Variants in MGST1 observed in about 807,000 individuals in gnomAD.
The protein encoded by MGST1 is glutathione S-transferase 12.
Under a neutral mutation model 8.9 loss-of-function variants are expected in MGST1, and 5 were observed. The observed-to-expected ratio is 0.56, with a 90% CI of 0.29 to 1.19. The LOEUF is 1.19. Ranked by LOEUF, MGST1 falls within the 50% of genes most tolerant of loss-of-function variation. MGST1 has a pLI of 0.08. For synonymous variants in MGST1, 54 were observed against 67.8 expected (o/e 0.80, Z 1.00); for missense variants, 182 against 187.4 (o/e 0.97, Z 0.17).
Position 16,513,727 on chromosome 12 carries a change from G to T in MGST1, n.483-75801G>T. The T allele has an allele frequency of 3.5e-6, 2 of 566,000 alleles. No individual in the cohort carries two copies. Among genetic ancestry groups the T allele is most frequent in the Non-Finnish European group, 7.1e-6 (2 of 282,444 alleles). 35.1% of individuals were successfully genotyped at this position (566,000 alleles called of 1,614,324 possible). On this transcript the variant is annotated intron_variant and non_coding_transcript_variant, in intron 4 of 4. Transcript: ENST00000538857. The surrounding 1 kb of genome is among the most constrained non-coding windows in gnomAD (Gnocchi z 4.2). ...GGCATCTGCAGAAGTAGCCTTGGGC[G>T]AGAATAGCGAAGTCTCGAAAAGTGG...
intron 4 of MGST1, among the ~76,000 whole-genome samples, chr12:16,579,400 AT>A (rs1225820711): frequency 1.3e-5 from 2 of 152,138 alleles, no homozygotes; most frequent in South Asian, 2.1e-4. Context: ...ATGAGAAACA[AT>A]TTTTTTGGTA....
chr12:16,525,099 G>A (rs374589200), intron 4 of MGST1, among the ~76,000 whole-genome samples: 1 of 151,632 alleles, frequency 6.6e-6, no homozygotes, highest in African/African-American at 2.4e-5. Context: ...AGAATAAATT[G>A]GCCTTCTTTC....
chr12:16,583,499 ACTG>A (rs1475582826), intron 4 of MGST1, among the ~76,000 whole-genome samples: 2 of 152,324 alleles, frequency 1.3e-5, no homozygotes, highest in East Asian at 3.9e-4. Flanking sequence ...CACACAGAAT[ACTG>A]GAGGGAATGG....
chr12:16,486,034 T>G (rs1354987527), intron 4 of MGST1, among the ~76,000 whole-genome samples: 1 of 152,240 alleles, frequency 6.6e-6, no homozygotes, highest in Non-Finnish European at 1.5e-5. Context: ...CTGATGTATC[T>G]GCTTCTAATG....
chr12:16,549,269 A>G (rs2137229688), intron 4 of MGST1: 1 of 152,248 alleles, frequency 6.6e-6, no homozygotes, highest in Non-Finnish European at 1.5e-5. Context: ...GGCTAAAATA[A>G]TAGTTATTTT....
At position 16,586,073 on chromosome 12, in the gene MGST1, C is replaced by G. The variant is rs1243457639; in HGVS notation, n.483-3455C>G. Reference sequence around the variant, plus strand: ...AGGAAAACAGCAAAACCTTGATGTACAATTCCATAAAAATTTTTGAGGGGC... The same window carrying G: ...AGGAAAACAGCAAAACCTTGATGTAGAATTCCATAAAAATTTTTGAGGGGC... On this transcript the variant is annotated intron_variant and non_coding_transcript_variant, in intron 4 of 4. Transcript: ENST00000538857. This position sits in a 1 kb window ranked among gnomAD's most constrained non-coding sequence, Gnocchi z 4.3. Among the ~76,000 whole-genome samples the G allele has an allele frequency of 1.3e-5, 2 of 152,060 alleles. No individual in the cohort carries two copies. The highest frequency in any genetic ancestry group is 6.6e-5 in the Admixed American group (1 of 15,260).
chr12:16,400,200 T>C lies in MGST1; in HGVS notation n.778+16596T>C, dbSNP rs995303383. 5.1e-6 allele frequency: 5 copies of C among 982,242 alleles called. No individual in the cohort carries two copies. In the Middle Eastern group the frequency reaches 7.1e-4, roughly 140 times the overall value. The allele number at this position is 982,242 out of a possible 1,614,324, so 60.8% of individuals were successfully genotyped here. On this transcript the variant is annotated intron_variant and non_coding_transcript_variant, in intron 1 of 1. Coordinates refer to the MGST1 transcript ENST00000359720. ...CTAAGTCCGTGGTTGTCTCTCCCAC[T>C]TCTGTGTAGAACTGCACATCCATGT... is the stretch of plus-strand genomic sequence containing the variant.
intron 4 of MGST1, among the ~76,000 whole-genome samples, chr12:16,512,277 TA>T (rs761588521): frequency 6.6e-6 from 1 of 151,854 alleles, no homozygotes; most frequent in African/African-American, 2.4e-5. Flanking sequence ...TTGGTAGCAG[TA>T]AAAAAAATTC....
Position 16,544,221 on chromosome 12 carries a change from T to TAC in MGST1, n.483-45265_483-45264dup, listed in dbSNP as rs3029719. Among the ~76,000 whole-genome samples the TAC allele has an allele frequency of 0.38, 52,181 of 138,448 alleles. 10,120 individuals carry two copies. Among genetic ancestry groups the TAC allele is most frequent in the Non-Finnish European group, 0.47 (30,248 of 63,936 alleles). 90.8% of individuals were successfully genotyped at this position (138,448 alleles called of 152,430 possible). ...TTAAATTGACACCTTAAGTAAGAAC[T>TAC]ACACACACACACACACACACACACA... On this transcript the variant is annotated intron_variant and non_coding_transcript_variant, in intron 4 of 4. Transcript: ENST00000538857. This position sits in a 1 kb window ranked among gnomAD's most constrained non-coding sequence, Gnocchi z 4.8.
intron 4 of MGST1, among the ~76,000 whole-genome samples, chr12:16,476,732 A>G (rs1941326259): frequency 6.6e-6 from 1 of 152,194 alleles, no homozygotes; most frequent in Non-Finnish European, 1.5e-5. Context: ...TCACAGGGAT[A>G]AAGAGCATTC....
chr12:16,352,858 C>G (rs1443747600), intron 1 of MGST1, among the ~76,000 whole-genome samples: 1 of 152,066 alleles, frequency 6.6e-6, no homozygotes, highest in Non-Finnish European at 1.5e-5. Flanking sequence ...TTTGATGTTT[C>G]CATTATCCTG....
chr12:16,357,235 A>C (rs1027799890), intron 2 of MGST1, among the ~76,000 whole-genome samples: 3 of 152,142 alleles, frequency 2.0e-5, no homozygotes, highest in African/African-American at 7.2e-5. Flanking sequence ...ACTAGGTAGA[A>C]TATCCCCATG....
At chr12:16,374,762 T>C (rs886854373) in intron 3 of MGST1, among the ~76,000 whole-genome samples, 6 of 152,188 alleles carry the variant, frequency 3.9e-5, no homozygotes, top group African/African-American at 1.4e-4. Context: ...ATTATGCAGC[T>C]GTAAAAAGAA....
At chr12:16,565,684 G>A (rs1443004676) in intron 4 of MGST1, among the ~76,000 whole-genome samples, 1 of 151,782 alleles carries the variant, frequency 6.6e-6, no homozygotes, top group Non-Finnish European at 1.5e-5. Flanking sequence ...GGATGATTTT[G>A]AATTTTCCTG....
rs1352434655 is a variant in MGST1, at chr12:16,395,788, T to TACACACAC, written n.778+12185_778+12186insCACACACA. 7.9e-4 allele frequency among the ~76,000 whole-genome samples: 96 copies of TACACACAC among 121,590 alleles called. 2 individuals carry two copies. Among genetic ancestry groups the TACACACAC allele is most frequent in the East Asian group, 5.7e-3 (19 of 3,360 alleles). 79.8% of individuals were successfully genotyped at this position (121,590 alleles called of 152,430 possible). On this transcript the variant is annotated intron_variant and non_coding_transcript_variant, in intron 1 of 1. Transcript: ENST00000359720. ...GCTGAGTAGTATTCCATCATATATA[T>TACACACAC]ATATATATATATATATACACACACA...
chr12:16,552,179 G>GT (rs1942012660), intron 4 of MGST1, among the ~76,000 whole-genome samples: 1 of 151,976 alleles, frequency 6.6e-6, no homozygotes, highest in Non-Finnish European at 1.5e-5. Context: ...AGAAATAAAT[G>GT]TTTTTTCTGT....
At chr12:16,373,181 T>C (rs902463254) in intron 3 of MGST1, among the ~76,000 whole-genome samples, 2 of 151,668 alleles carry the variant, frequency 1.3e-5, no homozygotes, top group Non-Finnish European at 2.9e-5. Context: ...TTCTCACTCA[T>C]ATGTGGGAGC....
At chr12:16,402,056 A>C (rs1591718141) in intron 1 of MGST1, 3 of 1,575,180 alleles carry the variant, frequency 1.9e-6, no homozygotes, top group Non-Finnish European at 1.7e-6. Context: ...TAATGGCTTC[A>C]ATCATTTTGT....
chr12:16,427,626 C>T (rs1242544314), intron 1 of MGST1, among the ~76,000 whole-genome samples: 1 of 152,324 alleles, frequency 6.6e-6, no homozygotes, highest in Non-Finnish European at 1.5e-5. Context: ...AAGTGATCCG[C>T]CCATCCTGGC....
Sources: gnomAD v4.1 joint callset for allele counts (sites outside exome capture counted in the v4.1 genomes callset) on GRCh38, gnomAD v4.1.1 for gene constraint, Gnocchi (gnomAD v3.1) non-coding constraint, MANE v1.5 for transcripts, NCBI Gene and HGNC (gene_info 2026-07-23, HGNC 2026-07-21) for gene names.